NLN: variants seen among roughly 807,000 people sequenced by gnomAD.
The protein encoded by NLN is neurolysin.
In NLN, 64 loss-of-function variants were observed where a neutral mutation model predicts 79.9. The observed-to-expected ratio is 0.80, with a 90% CI of 0.65 to 0.99. The LOEUF (loss-of-function observed/expected upper bound fraction) is 0.99, where lower values mean the gene tolerates loss of function less well. Among genes scored for constraint, NLN ranks in the 50% least tolerant of loss-of-function variants. The pLI, the probability that NLN is intolerant of heterozygous loss-of-function variation, is 0.00. For missense variants in NLN, 835 were observed against 858.7 expected (o/e 0.97, Z 0.34); for synonymous variants, 267 against 296.6 (o/e 0.90, Z 1.02).
intron 3 of NLN, among the ~76,000 whole-genome samples, chr5:65,775,293 TA>T (rs1185379649): frequency 6.6e-6 from 1 of 152,176 alleles, no homozygotes; most frequent in African/African-American, 2.4e-5. Flanking sequence ...ATTCTTCAGC[TA>T]TTGAGGCTTT....
chr5:65,731,708 C>T (rs902478139), intron 1 of NLN, among the ~76,000 whole-genome samples: 1 of 148,916 alleles, frequency 6.7e-6, no homozygotes, highest in Admixed American at 6.8e-5. Flanking sequence ...TTCTCCACCC[C>T]AAGATTATGT....
intron 8 of NLN, among the ~76,000 whole-genome samples, chr5:65,790,381 A>G (rs1250944803): frequency 6.6e-6 from 1 of 152,206 alleles, no homozygotes; most frequent in Non-Finnish European, 1.5e-5. Context: ...GAGACTGGGT[A>G]ATTTATAAAG....
At chr5:65,816,554 CAG>C (rs1027479926) in intron 12 of NLN, among the ~76,000 whole-genome samples, 1 of 149,110 alleles carries the variant, frequency 6.7e-6, no homozygotes, top group African/African-American at 2.5e-5. Context: ...AAAAAAGAAA[CAG>C]AAAAATACTT....
At chr5:65,822,694 C>A in intron 12 of NLN, 87 bp from the exon 13 acceptor site, 1 of 966,000 alleles carries the variant, frequency 1.0e-6, no homozygotes, top group Non-Finnish European at 1.7e-6. Context: ...CTTTTTCCTT[C>A]ACCCCTACCC....
chr5:65,779,211 A>C (rs1759746285), intron 4 of NLN, among the ~76,000 whole-genome samples: 1 of 152,170 alleles, frequency 6.6e-6, no homozygotes, highest in African/African-American at 2.4e-5. Flanking sequence ...TTTGCACTTC[A>C]GTAGGTTTAG....
At chr5:65,724,200 T>C (rs982063861) in intron 1 of NLN, among the ~76,000 whole-genome samples, 1 of 152,016 alleles carries the variant, frequency 6.6e-6, no homozygotes, top group Non-Finnish European at 1.5e-5. Flanking sequence ...ACTGTCCATC[T>C]CCAGAACTTG....
chr5:65,807,049 C>T (rs943084930), intron 9 of NLN, among the ~76,000 whole-genome samples: 2 of 151,916 alleles, frequency 1.3e-5, no homozygotes, highest in African/African-American at 4.8e-5. Context: ...TGATGGTGCC[C>T]ACCTGTAGTC....
At chr5:65,820,861 G>A (rs539927270) in intron 12 of NLN, among the ~76,000 whole-genome samples, 183 of 151,914 alleles carry the variant, frequency 1.2e-3, no homozygotes, top group African/African-American at 4.0e-3. Flanking sequence ...GGCCAACATC[G>A]CAAAACCCCA....
intron 12 of NLN, among the ~76,000 whole-genome samples, chr5:65,815,774 T>A (rs1298268536): frequency 6.6e-6 from 1 of 152,048 alleles, no homozygotes; most frequent in Non-Finnish European, 1.5e-5. Context: ...CGGCGGGGGA[T>A]GTTCTTCAAA....
At chr5:65,723,814 C>CACAAAAAAAAA (rs1758385486) in intron 1 of NLN, among the ~76,000 whole-genome samples, 1 of 55,314 alleles carries the variant, frequency 1.8e-5, no homozygotes, top group Non-Finnish European at 3.6e-5. Flanking sequence ...GACTCCGTCT[C>CACAAAAAAAAA]AAAAAAAAAA....
rs560425102 is a variant in NLN at position 65,761,696 on chromosome 5, G to A, written c.302-1264G>A. On this transcript the variant is annotated intron_variant, in intron 2 of 12. Coordinates refer to ENST00000380985, the MANE Select transcript of NLN (RefSeq NM_020726.5). ...TTTCTATTCCATTCTTTCCTTAACC[G>A]ACAGACATAAAATTATTATTAAATC... is the stretch of plus-strand genomic sequence containing the variant. Among the ~76,000 whole-genome samples, 15 of 152,138 alleles carry A rather than the reference G, an allele frequency of 9.9e-5. No homozygotes were observed. The South Asian group carries it at 1.5e-3, about 15-fold the overall frequency.
intron 8 of NLN, 139 bp downstream of exon 8, chr5:65,788,623 G>C (rs1267607373): frequency 2.3e-6 from 2 of 882,106 alleles, no homozygotes; most frequent in Non-Finnish European, 1.8e-6. Context: ...ATTGCTTGAG[G>C]CTAGGAGTTC....
At position 65,825,116 on chromosome 5, in the gene NLN, TCAA is replaced by T. The variant is rs888718158; in HGVS notation, c.*2202_*2204del. 1.3e-5 allele frequency: 2 copies of T among 151,880 alleles called. No homozygotes were observed. 9.4% of individuals were successfully genotyped at this position (151,880 alleles called of 1,614,324 possible). ...ATTCAGTCTCAAAAAAAATTAATACTCAAAGAATTATCTAGCATAATTTAAAAG... is the reference window on the plus strand; with the variant it reads ...ATTCAGTCTCAAAAAAAATTAATACTAGAATTATCTAGCATAATTTAAAAG... On this transcript the variant is annotated 3_prime_UTR_variant, in exon 13 of 13. Coordinates refer to ENST00000380985, the MANE Select transcript of NLN (RefSeq NM_020726.5).
rs563364697 is a variant in NLN, at chr5:65,811,071, A to G, written c.1843+906A>G. ...TAAAGCATTTGACTAGCAGTTTGTA[A>G]TCTGAGATTTATGGGACTCATGCAT... On this transcript the variant is annotated intron_variant, in intron 11 of 12. Transcript: ENST00000380985. Among the ~76,000 whole-genome samples, 44 of 152,302 alleles carry G rather than the reference A, an allele frequency of 2.9e-4. 1 individual carries two copies. Among genetic ancestry groups the G allele is most frequent in the African/African-American group, 1.1e-3 (44 of 41,570 alleles).
At chr5:65,801,474 G>A (rs66624003) in intron 9 of NLN, among the ~76,000 whole-genome samples, 4 of 152,124 alleles carry the variant, frequency 2.6e-5, no homozygotes, top group African/African-American at 7.2e-5. Flanking sequence ...TTGAGAATTC[G>A]GTTGTTTGCT....
chr5:65,722,477 C>T (rs1579896492), intron 1 of NLN, 63 bp downstream of exon 1: 2 of 1,438,204 alleles, frequency 1.4e-6, no homozygotes, highest in Non-Finnish European at 9.5e-7. Flanking sequence ...CCGTGTGGTG[C>T]CTGGAGCCCG....
chr5:65,813,899 C>T (rs192728673), intron 12 of NLN, among the ~76,000 whole-genome samples: 13 of 151,754 alleles, frequency 8.6e-5, no homozygotes, highest in African/African-American at 3.1e-4. Flanking sequence ...TACTACACTC[C>T]AGCCTGAATG....
chr5:65,790,850 T>C (rs546940095), intron 8 of NLN, among the ~76,000 whole-genome samples: 1 of 152,366 alleles, frequency 6.6e-6, no homozygotes, highest in Non-Finnish European at 1.5e-5. Context: ...GAGTCTCCTA[T>C]AACTGTCCTC....
intron 1 of NLN, among the ~76,000 whole-genome samples, chr5:65,741,428 T>C (rs1758866794): frequency 6.6e-6 from 1 of 152,224 alleles, no homozygotes; most frequent in Admixed American, 6.5e-5. Flanking sequence ...TATTTTTGAC[T>C]GAACCAGTCT....
Sources: allele counts gnomAD v4.1 joint callset (sites outside exome capture counted in the v4.1 genomes callset), GRCh38; gene constraint gnomAD v4.1.1; transcripts MANE v1.5; gene names NCBI Gene and HGNC (gene_info 2026-07-23, HGNC 2026-07-21).